Variants in LAMB1 observed in about 807,000 individuals in gnomAD.
LAMB1 encodes laminin subunit beta 1.
Under a neutral mutation model 222.3 loss-of-function variants are expected in LAMB1, and 121 were observed. The observed-to-expected ratio is 0.54, with a 90% CI of 0.47 to 0.63. The LOEUF (loss-of-function observed/expected upper bound fraction) is 0.63. LAMB1 is among the 30% of genes least tolerant of loss of function. The pLI, the probability that LAMB1 is intolerant of heterozygous loss-of-function variation, is 0.00. For synonymous variants in LAMB1, 794 were observed against 807.2 expected (o/e 0.98, Z 0.28); for missense variants, 2,172 against 2,240.8 (o/e 0.97, Z 0.62).
chr7:107,995,049 T>A, intron 4 of LAMB1, 89 bp from the exon 5 acceptor site: 1 of 690,672 alleles, frequency 1.4e-6, no homozygotes, highest in Non-Finnish European at 2.5e-6. Context: ...TAAATTACTT[T>A]TATGTTCCCC....
intron 5 of LAMB1, among the ~76,000 whole-genome samples, chr7:107,987,493 A>C (rs2034101892): frequency 6.6e-6 from 1 of 152,108 alleles, no homozygotes; most frequent in African/African-American, 2.4e-5. Context: ...CTTCACAGAG[A>C]AGAAGGCATC....
chr7:107,988,506 G>T (rs955686449), intron 5 of LAMB1, among the ~76,000 whole-genome samples: 2 of 152,182 alleles, frequency 1.3e-5, no homozygotes, highest in Non-Finnish European at 2.9e-5. Flanking sequence ...CTAGAAAAAC[G>T]TATCAACCAG....
Position 107,975,253 on chromosome 7 carries a change from T to A in LAMB1, c.1350A>T (p.Glu450Asp). The change falls in exon 11 of 34, where the codon GAA (glutamate) becomes GAT (aspartate). Residue 450 changes from glutamate to aspartate, a missense_variant. Glu to Asp is a conservative substitution (Grantham distance 45). Coordinates refer to ENST00000222399, the MANE Select transcript of LAMB1 (RefSeq NM_002291.3). ...CKEGFYDLSS[E>D]DPFGCKSCAC... is the part of the protein sequence containing the mutation. Reference sequence around the variant, plus strand: ...ACCTACATTTACAACCAAATGGATCTTCACTGCTTAAATCATAGAAGCCTT... The same window carrying A: ...ACCTACATTTACAACCAAATGGATCATCACTGCTTAAATCATAGAAGCCTT... The A allele has an allele frequency of 1.2e-6, 2 of 1,613,332 alleles. No homozygotes were observed.
intron 4 of LAMB1, 55 bp from the exon 5 acceptor site, chr7:107,995,015 C>G (rs963088200): frequency 2.1e-6 from 2 of 952,604 alleles, no homozygotes; most frequent in Non-Finnish European, 3.3e-6. Flanking sequence ...ATAGAAACAT[C>G]TGTGAATAGT....
intron 31 of LAMB1, among the ~76,000 whole-genome samples, chr7:107,927,487 G>C (rs962701136): frequency 3.9e-5 from 6 of 152,100 alleles, no homozygotes; most frequent in African/African-American, 1.4e-4. Context: ...TCCCAGGCTG[G>C]AGTGCAGTGA....
chr7:107,940,210 G>C lies in LAMB1; in HGVS notation c.3540C>G (p.His1180Gln). 6.2e-7 allele frequency: 1 copy of C among 1,614,200 alleles called. No homozygotes were observed. Among genetic ancestry groups the C allele is most frequent in the Non-Finnish European group, 8.5e-7 (1 of 1,180,042 alleles). The change falls in exon 25 of 34, where the codon CAC becomes CAG. Residue 1180 changes from histidine (H) to glutamine (Q), a missense_variant. Transcript: ENST00000222399. ...SGVFPDCTPC[H>Q]QCFALWDVII... ...TCACATCCCAGAGAGCAAAGCACTG[G>C]TGGCAGGGTGTGCAGTCAGGGAAGA...
chr7:107,991,638 C>T (rs1318890330), intron 5 of LAMB1, among the ~76,000 whole-genome samples: 1 of 151,320 alleles, frequency 6.6e-6, no homozygotes, highest in African/African-American at 2.4e-5. Context: ...AGGCTGGGCG[C>T]GGTAGCTCAC....
chr7:107,995,057 C>T, intron 4 of LAMB1, 97 bp from the exon 5 acceptor site: 1 of 660,248 alleles, frequency 1.5e-6, no homozygotes, highest in East Asian at 2.7e-5. Context: ...TTTTATGTTC[C>T]CCATAGAAAT....
intron 9 of LAMB1, among the ~76,000 whole-genome samples, chr7:107,977,015 C>T (rs1409290704): frequency 2.2e-5 from 2 of 91,410 alleles, no homozygotes; most frequent in African/African-American, 6.8e-5. Flanking sequence ...TTTCCTCTCT[C>T]TCCTTCCTTC....
In LAMB1 at chr7:107,924,274, T is replaced by C; in HGVS notation, c.5180A>G (p.Lys1727Arg). The change falls in exon 33 of 34, where the codon AAA (lysine) becomes AGA (arginine). Residue 1727 changes from lysine (K) to arginine (R), a missense_variant. By Grantham distance (26) the Lys-to-Arg change is conservative. Coordinates refer to ENST00000222399, the MANE Select transcript of LAMB1 (RefSeq NM_002291.3). ...RKAEMLQNEA[K>R]TLLAQANSKL... ...GCTATTTGCTTGAGCTAAAAGAGTT[T>C]TTGCTTCATTTTGTAGCATTTCGGC... 6.2e-7 allele frequency: 1 copy of C among 1,613,102 alleles called. No individual in the cohort carries two copies. The highest frequency in any genetic ancestry group is 8.5e-7 in the Non-Finnish European group (1 of 1,179,664).
intron 5 of LAMB1, among the ~76,000 whole-genome samples, chr7:107,988,776 C>T (rs1394549086): frequency 2.6e-5 from 4 of 152,132 alleles, no homozygotes; most frequent in Non-Finnish European, 4.4e-5. Flanking sequence ...AGAGGGAAGA[C>T]CATGTGAAGA....
chr7:107,983,135 G>T (rs1030922831), intron 7 of LAMB1, among the ~76,000 whole-genome samples: 1 of 152,220 alleles, frequency 6.6e-6, no homozygotes, highest in African/African-American at 2.4e-5. Context: ...TGTTTTACAA[G>T]AGAATGAATG....
intron 4 of LAMB1, among the ~76,000 whole-genome samples, chr7:107,996,237 A>G (rs557288159): frequency 1.3e-5 from 2 of 152,352 alleles, no homozygotes; most frequent in African/African-American, 4.8e-5. Flanking sequence ...ATATGCTGCA[A>G]TGTGTGCACC....
Position 107,937,138 on chromosome 7 carries a change from C to T in LAMB1, c.3901G>A (p.Glu1301Lys). The T allele has an allele frequency of 1.2e-6, 2 of 1,613,952 alleles. No individual in the cohort carries two copies. Among genetic ancestry groups the T allele is most frequent in the Non-Finnish European group, 1.7e-6 (2 of 1,179,960 alleles). Residue 1301 changes from glutamate to lysine, a missense_variant, in exon 26 of 34, where the codon GAA becomes AAA. Coordinates refer to ENST00000222399, the MANE Select transcript of LAMB1 (RefSeq NM_002291.3). ...ATAAATTCCAGTTGTTCAGCAAGTT[C>T]TTTCACAGTGTTGTCTAGGCTTTCG... The part of the protein sequence containing the change: ...EAESLDNTVK[E>K]LAEQLEFIKN...
chr7:107,975,221 C>A lies in LAMB1; in HGVS notation c.1369+13G>T. 6.2e-7 allele frequency: 1 copy of A among 1,600,538 alleles called. No homozygotes were observed. The highest frequency in any genetic ancestry group is 8.5e-7 in the Non-Finnish European group (1 of 1,170,528). ...ACAAGAAAACTCCCAAACTTTTTAGCAAACAGACCTACATTTACAACCAAA... is the reference window on the plus strand; with the variant it reads ...ACAAGAAAACTCCCAAACTTTTTAGAAAACAGACCTACATTTACAACCAAA... On this transcript the variant is annotated intron_variant, in intron 11 of 33. Transcript: ENST00000222399.
At chr7:107,969,138 A>T (rs2033692889) in intron 13 of LAMB1, among the ~76,000 whole-genome samples, 2 of 152,116 alleles carry the variant, frequency 1.3e-5, no homozygotes, top group African/African-American at 4.8e-5. Context: ...AATACAAAAA[A>T]TTAGCCGGGC....
chr7:107,936,732 T>C (rs2032856498), intron 26 of LAMB1, among the ~76,000 whole-genome samples: 1 of 151,926 alleles, frequency 6.6e-6, no homozygotes, highest in East Asian at 1.9e-4. Context: ...TTCTTGAATG[T>C]GAAAGGATTT....
chr7:107,929,709 G>T, intron 29 of LAMB1, 90 bp from the exon 30 acceptor site: 1 of 1,009,118 alleles, frequency 9.9e-7, no homozygotes, highest in Non-Finnish European at 1.5e-6. Flanking sequence ...CTATGGACTA[G>T]CATGGTGGGG....
At chr7:107,956,235 G>C (rs955509315) in intron 20 of LAMB1, among the ~76,000 whole-genome samples, 7 of 151,910 alleles carry the variant, frequency 4.6e-5, no homozygotes, top group African/African-American at 1.4e-4. Flanking sequence ...GTTTCACCAT[G>C]TTGGTCAAGC....
Sources: allele counts gnomAD v4.1 joint callset (sites outside exome capture counted in the v4.1 genomes callset), GRCh38; gene constraint gnomAD v4.1.1; transcripts MANE v1.5; gene names NCBI Gene and HGNC (gene_info 2026-07-23, HGNC 2026-07-21).